Variants in SLC44A5 observed in about 807,000 individuals in gnomAD.
SLC44A5 encodes choline transporter-like protein 5.
Under a neutral mutation model 101.8 loss-of-function variants are expected in SLC44A5, and 57 were observed. The observed-to-expected ratio is 0.56, with a 90% CI of 0.45 to 0.70. The LOEUF is 0.70. Among genes scored for constraint, SLC44A5 ranks in the 30% least tolerant of loss-of-function variants. SLC44A5 has a pLI of 0.00. For synonymous variants in SLC44A5, 281 were observed against 290.9 expected (o/e 0.97, Z 0.35); for missense variants, 737 against 853.1 (o/e 0.86, Z 1.70).
chr1:75,449,376 G>A (rs937881552), intron 2 of SLC44A5, among the ~76,000 whole-genome samples: 1 of 152,218 alleles, frequency 6.6e-6, no homozygotes, highest in East Asian at 1.9e-4. Flanking sequence ...GATAATATTA[G>A]CTTCCCTTTT....
At chr1:75,502,025 G>A (rs905622439) in intron 2 of SLC44A5, among the ~76,000 whole-genome samples, 3 of 152,134 alleles carry the variant, frequency 2.0e-5, no homozygotes, top group African/African-American at 7.2e-5. Flanking sequence ...TCTTTGTGAT[G>A]AAACAATGCA....
chr1:75,305,708 A>C (rs1654846271), intron 4 of SLC44A5, among the ~76,000 whole-genome samples: 1 of 152,186 alleles, frequency 6.6e-6, no homozygotes, highest in African/African-American at 2.4e-5. Flanking sequence ...TGGGATAGCC[A>C]GGGTTTACAC....
chr1:75,613,306 T>C (rs1208286607), upstream of SLC44A5, among the ~76,000 whole-genome samples: 1 of 152,258 alleles, frequency 6.6e-6, no homozygotes, highest in Non-Finnish European at 1.5e-5. Flanking sequence ...AAATTTTTCC[T>C]ACCAGGCAGT....
chr1:75,461,252 T>C (rs555711705), intron 2 of SLC44A5, among the ~76,000 whole-genome samples: 1 of 152,328 alleles, frequency 6.6e-6, no homozygotes, highest in South Asian at 2.1e-4. Flanking sequence ...ATTACTACTA[T>C]ACATCAGGTA....
intron 4 of SLC44A5, among the ~76,000 whole-genome samples, chr1:75,322,541 G>T (rs556920057): frequency 6.6e-6 from 1 of 152,166 alleles, no homozygotes; most frequent in Admixed American, 6.6e-5. Context: ...TAATTTAGGA[G>T]ACATTCTTAG....
chr1:75,267,726 TTTTTTATTTTTA>T (rs1213463890), intron 6 of SLC44A5, among the ~76,000 whole-genome samples: 1 of 151,968 alleles, frequency 6.6e-6, no homozygotes, highest in Admixed American at 6.6e-5. Context: ...TTTTTAAAAT[TTTTTTATTTTTA>T]TTTTTATTTT....
chr1:75,470,967 C>A (rs919869029), intron 2 of SLC44A5, among the ~76,000 whole-genome samples: 1 of 152,054 alleles, frequency 6.6e-6, no homozygotes, highest in African/African-American at 2.4e-5. Flanking sequence ...CATGAAAATT[C>A]TAAAACTAAA....
the SLC44A5 span, among the ~76,000 whole-genome samples, chr1:75,629,046 C>A: frequency 6.6e-6 from 1 of 151,974 alleles, no homozygotes; most frequent in Admixed American, 6.6e-5. Flanking sequence ...ATCATAAACA[C>A]CCATAGTTAA....
chr1:75,571,189 A>G (rs1285518816), intron 1 of SLC44A5, among the ~76,000 whole-genome samples: 1 of 152,224 alleles, frequency 6.6e-6, no homozygotes, highest in African/African-American at 2.4e-5. Context: ...GGAAAAATAT[A>G]TTATGAAAAA....
chr1:75,273,227 T>A (rs1651636671), intron 6 of SLC44A5, among the ~76,000 whole-genome samples: 1 of 152,260 alleles, frequency 6.6e-6, no homozygotes. Flanking sequence ...TTGTGTACAT[T>A]GATTTTGTAA....
intron 2 of SLC44A5, among the ~76,000 whole-genome samples, chr1:75,426,379 T>C (rs1458927408): frequency 2.6e-5 from 4 of 152,160 alleles, no homozygotes; most frequent in Non-Finnish European, 5.9e-5. Context: ...TGGCAGTGAG[T>C]CCAACTGTTT....
the SLC44A5 span, chr1:75,641,396 G>A: frequency 2.0e-6 from 2 of 986,838 alleles, no homozygotes; most frequent in Admixed American, 3.5e-5. Context: ...ATATGAGCTT[G>A]ATTTTTGTAC....
At chr1:75,597,447 T>A (rs1045784874) in intron 1 of SLC44A5, among the ~76,000 whole-genome samples, 7 of 151,820 alleles carry the variant, frequency 4.6e-5, no homozygotes, top group East Asian at 1.9e-4. Flanking sequence ...TAGAAAAAAA[T>A]TTCAAAATTC....
chr1:75,690,685 A>G, the SLC44A5 span, among the ~76,000 whole-genome samples: 1 of 152,222 alleles, frequency 6.6e-6, no homozygotes, highest in Non-Finnish European at 1.5e-5. Context: ...ACCTCATTAT[A>G]CACTCATTAA....
At chr1:75,632,521 A>G in the SLC44A5 span, among the ~76,000 whole-genome samples, 1 of 152,190 alleles carries the variant, frequency 6.6e-6, no homozygotes, top group Non-Finnish European at 1.5e-5. Context: ...GTGGCATCTT[A>G]CAAATGCTGC....
intron 2 of SLC44A5, among the ~76,000 whole-genome samples, chr1:75,416,153 C>T (rs937195764): frequency 6.6e-6 from 1 of 152,152 alleles, no homozygotes; most frequent in African/African-American, 2.4e-5. Context: ...ATCACAGGCC[C>T]AGAGGCCTAG....
chr1:75,399,593 G>C (rs1235734882), intron 2 of SLC44A5, among the ~76,000 whole-genome samples: 1 of 152,042 alleles, frequency 6.6e-6, no homozygotes, highest in Non-Finnish European at 1.5e-5. Context: ...GGGGCAATCT[G>C]AATTAGAATG....
At chr1:75,697,541 C>G in the SLC44A5 span, among the ~76,000 whole-genome samples, 1 of 152,146 alleles carries the variant, frequency 6.6e-6, no homozygotes, top group Non-Finnish European at 1.5e-5. Context: ...AATCCTAGCA[C>G]TTTGGGAAGC....
At chr1:75,222,816 G>A (rs1207203961) in intron 13 of SLC44A5, among the ~76,000 whole-genome samples, 1 of 152,144 alleles carries the variant, frequency 6.6e-6, no homozygotes, top group African/African-American at 2.4e-5. Context: ...CATTAAGTAA[G>A]ACAATATACA....
Sources: gnomAD v4.1 joint callset for allele counts (sites outside exome capture counted in the v4.1 genomes callset) on GRCh38, gnomAD v4.1.1 for gene constraint, MANE v1.5 for transcripts, NCBI Gene and HGNC (gene_info 2026-07-23, HGNC 2026-07-21) for gene names.